The following RUNX3 variants were observed in gnomAD, a reference collection of about 807,000 sequenced individuals.
RUNX3 encodes runt-related transcription factor 3.
Under a neutral mutation model 27.7 loss-of-function variants are expected in RUNX3, and 10 were observed. That is an observed-to-expected ratio of 0.36 (90% confidence interval 0.22 to 0.61). The LOEUF is 0.61. RUNX3 is among the 20% of genes least tolerant of loss of function. The probability of loss-of-function intolerance (pLI) is 0.72; values close to 1 mark genes in which losing one functional copy is unlikely to be tolerated. For missense variants in RUNX3, 469 were observed against 629.5 expected, an observed-to-expected ratio of 0.75 and a Z score of 2.73; for synonymous variants, 270 against 269.2, an observed-to-expected ratio of 1.00 and a Z score of -0.03.
rs1221120692 is a variant in RUNX3 at position 24,901,219 on chromosome 1, C to T, written c.*903G>A. On this transcript the variant is annotated 3_prime_UTR_variant, in exon 5 of 5. Coordinates refer to ENST00000308873, the MANE Select transcript of RUNX3 (RefSeq NM_004350.3). The stretch of plus-strand genomic sequence containing the variant: ...ATGTCTGACCCAAAATGATCCCTCA[C>T]CTCAATGCCTTCTGCTAGGACCTAT... 1 of 151,944 alleles carries T rather than the reference C, an allele frequency of 6.6e-6. No individual in the cohort carries two copies. Among genetic ancestry groups the T allele is most frequent in the Non-Finnish European group, 1.5e-5 (1 of 67,912 alleles). The allele number at this position is 151,944 out of a possible 1,614,324, so 9.4% of individuals were successfully genotyped here.
At position 24,904,217 on chromosome 1, in the gene RUNX3, G is replaced by A. The variant is rs974259871; in HGVS notation, c.704-1551C>T. Among the ~76,000 whole-genome samples the A allele has an allele frequency of 6.6e-6, 1 of 152,194 alleles. No individual in the cohort carries two copies. Among genetic ancestry groups the A allele is most frequent in the Non-Finnish European group, 1.5e-5 (1 of 68,024 alleles). Reference sequence around the variant, plus strand: ...AGCCGGAGTGGGCTCTGCCTGCCACGCCGAGGCTTGGCTGAGGACGGAGAG... The same window carrying A: ...AGCCGGAGTGGGCTCTGCCTGCCACACCGAGGCTTGGCTGAGGACGGAGAG... On this transcript the variant is annotated intron_variant, in intron 4 of 4. Transcript: ENST00000308873. The surrounding 1 kb of genome is among the most constrained non-coding windows in gnomAD (Gnocchi z 5.7).
chr1:24,964,507 T>C, intron 2 of RUNX3: 2 of 1,607,398 alleles, frequency 1.2e-6, no homozygotes, highest in Non-Finnish European at 1.7e-6. Context: ...GGGCTATTGT[T>C]ACTCACCGCG....
In RUNX3 at chr1:24,943,089, G is replaced by A. The variant is rs563311356; in HGVS notation, c.59-13237C>T. On this transcript the variant is annotated intron_variant, in intron 2 of 6. Coordinates refer to the RUNX3 transcript ENST00000338888. The surrounding 1 kb of genome is among the most constrained non-coding windows in gnomAD (Gnocchi z 4.6). ...GGTGGCAGCACCGGGAGCCGAGCCG[G>A]GTGTCATTGATCTTGCCCGGTGTTC... Among the ~76,000 whole-genome samples the A allele has an allele frequency of 6.6e-6, 1 of 152,376 alleles. No homozygotes were observed. The highest frequency in any genetic ancestry group is 2.1e-4 in the South Asian group (1 of 4,830).
chr1:24,913,428 A>G (rs1055188038), intron 3 of RUNX3, among the ~76,000 whole-genome samples: 2 of 152,354 alleles, frequency 1.3e-5, no homozygotes, highest in African/African-American at 2.4e-5. Flanking sequence ...CAGCTGTCTT[A>G]TCTGCAAAAT....
intron 3 of RUNX3, among the ~76,000 whole-genome samples, chr1:24,913,492 G>GC (rs1318655511): frequency 6.6e-6 from 1 of 152,272 alleles, no homozygotes; most frequent in African/African-American, 2.4e-5. Context: ...GAATTACACA[G>GC]CCCACCAGGC....
chr1:24,926,206 G>A (rs1332592000), intron 2 of RUNX3, among the ~76,000 whole-genome samples: 4 of 152,236 alleles, frequency 2.6e-5, no homozygotes, highest in African/African-American at 7.2e-5. Context: ...GTCTGCCACC[G>A]ACCAAGGACC....
upstream of RUNX3, among the ~76,000 whole-genome samples, chr1:24,931,804 C>T (rs1641235577): frequency 6.6e-6 from 1 of 152,194 alleles, no homozygotes; most frequent in Non-Finnish European, 1.5e-5. Flanking sequence ...ACCTCGGGAC[C>T]TCACAGCACG....
intron 2 of RUNX3, among the ~76,000 whole-genome samples, chr1:24,951,827 G>A (rs999222242): frequency 2.0e-5 from 3 of 152,180 alleles, no homozygotes; most frequent in South Asian, 4.1e-4. Context: ...TGTAAAATAG[G>A]CCTCATAAGA....
chr1:24,941,777 T>A (rs957728521), intron 2 of RUNX3, among the ~76,000 whole-genome samples: 12 of 151,982 alleles, frequency 7.9e-5, no homozygotes, highest in African/African-American at 2.4e-4. Flanking sequence ...ATGACCTGAG[T>A]CCCCGCCTCC....
In RUNX3 at chr1:24,916,660, G is replaced by A. The variant is rs374713879; in HGVS notation, c.544+2580C>T. ...GAGTGGGGCTGCAACCCAGGGTATG[G>A]GGGGGGACCTGATCTCAGGGCCAGG... On this transcript the variant is annotated intron_variant, in intron 3 of 4. Transcript: ENST00000308873. The surrounding 1 kb of genome is among the most constrained non-coding windows in gnomAD (Gnocchi z 4.8). Among the ~76,000 whole-genome samples the A allele has an allele frequency of 6.6e-6, 1 of 152,058 alleles. No homozygotes were observed. Among genetic ancestry groups the A allele is most frequent in the African/African-American group, 2.4e-5 (1 of 41,414 alleles).
At chr1:24,934,515 C>T (rs1222050659), upstream of RUNX3, among the ~76,000 whole-genome samples, 1 of 152,144 alleles carries the variant, frequency 6.6e-6, no homozygotes, top group Non-Finnish European at 1.5e-5. Flanking sequence ...GAGCCTTGGT[C>T]CCCGAGGGTA....
At chr1:24,959,453 C>T (rs906071839) in intron 2 of RUNX3, among the ~76,000 whole-genome samples, 4 of 152,216 alleles carry the variant, frequency 2.6e-5, no homozygotes, top group Admixed American at 6.5e-5. Flanking sequence ...GCCAGGCAAG[C>T]GCCATAGTGG....
At chr1:24,929,460 G>A (rs1641168730) in intron 1 of RUNX3, 127 bp downstream of exon 1, 1 of 957,580 alleles carries the variant, frequency 1.0e-6, no homozygotes, top group African/African-American at 1.6e-5. Context: ...ACTGAACCGG[G>A]TGCCCGGGTG....
chr1:24,964,794 G>A, intron 1 of RUNX3: 1 of 1,204,832 alleles, frequency 8.3e-7, no homozygotes, highest in South Asian at 1.7e-5. Context: ...GTGAGTGAGA[G>A]AGAGAAAAAA....
At chr1:24,912,823 C>G (rs1254784117) in intron 3 of RUNX3, among the ~76,000 whole-genome samples, 1 of 151,760 alleles carries the variant, frequency 6.6e-6, no homozygotes, top group Non-Finnish European at 1.5e-5. Flanking sequence ...GGGCGGGGTT[C>G]ACAGCCAGCC....
intron 2 of RUNX3, among the ~76,000 whole-genome samples, chr1:24,949,460 C>G (rs1641703087): frequency 6.6e-6 from 1 of 152,178 alleles, no homozygotes; most frequent in Admixed American, 6.5e-5. Context: ...AGCACCCACA[C>G]CAAGGACTTG....
intron 2 of RUNX3, chr1:24,961,822 A>G (rs12126847): frequency 0.15 from 22,204 of 152,152 alleles, 1,854 homozygotes; most frequent in African/African-American, 0.23. Context: ...AGGGACTGAG[A>G]TGGGATGGCA....
At chr1:24,941,245 C>G (rs1329826555) in intron 2 of RUNX3, among the ~76,000 whole-genome samples, 1 of 152,134 alleles carries the variant, frequency 6.6e-6, no homozygotes, top group African/African-American at 2.4e-5. Context: ...CATGGCCGAC[C>G]AGTAGCCCTT....
rs60076928 is a variant in RUNX3 at position 24,920,214 on chromosome 1, C to CT, written c.440-871dup. Among the ~76,000 whole-genome samples, 1,352 of 144,846 alleles carry CT rather than the reference C, an allele frequency of 9.3e-3. 10 individuals are homozygous for CT. Among genetic ancestry groups the CT allele is most frequent in the South Asian group, 0.025 (111 of 4,516 alleles). On this transcript the variant is annotated intron_variant, in intron 2 of 4. Coordinates refer to ENST00000308873, the MANE Select transcript of RUNX3 (RefSeq NM_004350.3). Reference sequence around the variant, plus strand: ...AGGGGAAAAAACTTTTAAAATACTACTTTTTTTTTTTTTTACCATTTAAAA... The same window carrying CT: ...AGGGGAAAAAACTTTTAAAATACTACTTTTTTTTTTTTTTTACCATTTAAAA...
Sources: gnomAD v4.1 joint callset for allele counts (sites outside exome capture counted in the v4.1 genomes callset) on GRCh38, gnomAD v4.1.1 for gene constraint, Gnocchi (gnomAD v3.1) non-coding constraint, MANE v1.5 for transcripts, NCBI Gene and HGNC (gene_info 2026-07-23, HGNC 2026-07-21) for gene names.